The following CLVS1 variants were observed in gnomAD, a reference collection of about 807,000 sequenced individuals.
The protein encoded by CLVS1 is clavesin 1, also known as clavesin-1.
In CLVS1, 10 loss-of-function variants were observed where a neutral mutation model predicts 33.1. That is an observed-to-expected ratio of 0.30 (90% CI 0.19 to 0.51). The LOEUF (loss-of-function observed/expected upper bound fraction) is 0.51. Ranked by LOEUF, CLVS1 falls within the 20% of genes least tolerant of loss-of-function variation. The pLI is 0.97. For synonymous variants in CLVS1, 163 were observed against 166.1 expected (o/e 0.98, Z 0.14); for missense variants, 343 against 433.4 (o/e 0.79, Z 1.85).
At chr8:61,341,491 G>T (rs1683102552) in intron 2 of CLVS1, among the ~76,000 whole-genome samples, 1 of 152,172 alleles carries the variant, frequency 6.6e-6, no homozygotes, top group Non-Finnish European at 1.5e-5. Context: ...CAGCTTAAGG[G>T]CCAGGAACTC....
At chr8:61,382,683 C>T (rs1238399324) in intron 3 of CLVS1, among the ~76,000 whole-genome samples, 1 of 152,184 alleles carries the variant, frequency 6.6e-6, no homozygotes, top group African/African-American at 2.4e-5. Context: ...ACAGTGCTGA[C>T]CCCACTCCCA....
intron 2 of CLVS1, among the ~76,000 whole-genome samples, chr8:61,350,551 A>C (rs1459908291): frequency 2.0e-5 from 3 of 152,196 alleles, no homozygotes; most frequent in Non-Finnish European, 1.5e-5. Flanking sequence ...AAGATAAGGT[A>C]ATGCTGTAAT....
intron 2 of CLVS1, among the ~76,000 whole-genome samples, chr8:61,337,643 T>G (rs781766664): frequency 6.6e-6 from 1 of 152,186 alleles, no homozygotes; most frequent in Non-Finnish European, 1.5e-5. Flanking sequence ...GTGGGCTGTT[T>G]ATGTGTCTTC....
chr8:61,239,696 C>A (rs543944386), intron 2 of CLVS1, among the ~76,000 whole-genome samples: 2 of 152,234 alleles, frequency 1.3e-5, no homozygotes, highest in South Asian at 4.1e-4. Context: ...AAGATTACAC[C>A]ACTGCACTCC....
intron 2 of CLVS1, among the ~76,000 whole-genome samples, chr8:61,191,739 A>C (rs1430711674): frequency 2.0e-5 from 3 of 152,204 alleles, no homozygotes; most frequent in Admixed American, 1.3e-4. Flanking sequence ...ATAACAGACA[A>C]ACAGAGAGCC....
At chr8:61,207,366 C>T (rs538802605) in intron 2 of CLVS1, among the ~76,000 whole-genome samples, 3 of 144,514 alleles carry the variant, frequency 2.1e-5, no homozygotes, top group Admixed American at 6.9e-5. Context: ...GGATTTGCAG[C>T]GGTGCATGGG....
chr8:61,059,501 C>T (rs13252102), intron 1 of CLVS1, among the ~76,000 whole-genome samples: 2,425 of 22,158 alleles, frequency 0.11, 39 homozygotes, highest in African/African-American at 0.15. Context: ...TATATATATA[C>T]ACATATCTTG....
chr8:61,018,723 G>A, the CLVS1 span, among the ~76,000 whole-genome samples: 4 of 152,150 alleles, frequency 2.6e-5, no homozygotes, highest in African/African-American at 4.8e-5. Context: ...GAGATCAGGC[G>A]GCATCTCAGC....
intron 1 of CLVS1, among the ~76,000 whole-genome samples, chr8:61,066,907 G>T (rs1360053452): frequency 1.3e-5 from 2 of 152,090 alleles, no homozygotes; most frequent in African/African-American, 4.8e-5. Context: ...AGCCAGGCTG[G>T]TGCCACACAC....
At chr8:61,227,986 T>C (rs1039570820) in intron 2 of CLVS1, among the ~76,000 whole-genome samples, 4 of 152,206 alleles carry the variant, frequency 2.6e-5, no homozygotes, top group Non-Finnish European at 5.9e-5. Flanking sequence ...TAGAATACAA[T>C]ACCGGAAGTG....
chr8:60,982,387 A>G, the CLVS1 span, among the ~76,000 whole-genome samples: 1 of 152,234 alleles, frequency 6.6e-6, no homozygotes, highest in African/African-American at 2.4e-5. Context: ...CTGAAGCACA[A>G]ATAGAAAATG....
At chr8:60,965,085 G>A in the CLVS1 span, among the ~76,000 whole-genome samples, 1 of 152,158 alleles carries the variant, frequency 6.6e-6, no homozygotes, top group Non-Finnish European at 1.5e-5. Context: ...GATGCTCTGT[G>A]TAAAACAATG....
At chr8:61,289,753 T>C (rs1382136743) in intron 1 of CLVS1, among the ~76,000 whole-genome samples, 1 of 152,168 alleles carries the variant, frequency 6.6e-6, no homozygotes, top group Non-Finnish European at 1.5e-5. Context: ...ATAAAGACAG[T>C]CACAAATATG....
intron 2 of CLVS1, among the ~76,000 whole-genome samples, chr8:61,303,184 G>A (rs1400440111): frequency 6.6e-6 from 1 of 152,118 alleles, no homozygotes; most frequent in Non-Finnish European, 1.5e-5. Flanking sequence ...CAGTAAATGG[G>A]GACACACACA....
intron 2 of CLVS1, among the ~76,000 whole-genome samples, chr8:61,364,597 T>C (rs1325370382): frequency 6.6e-6 from 1 of 152,226 alleles, no homozygotes; most frequent in African/African-American, 2.4e-5. Flanking sequence ...ATAGAATTTG[T>C]AAAATGAGAA....
At chr8:61,037,657 T>C in the CLVS1 span, among the ~76,000 whole-genome samples, 1,095 of 152,302 alleles carry the variant, frequency 7.2e-3, 23 homozygotes, top group African/African-American at 0.025. Flanking sequence ...AGCAGAACAC[T>C]TGCTTAACAG....
the CLVS1 span, among the ~76,000 whole-genome samples, chr8:61,014,723 A>T: frequency 6.6e-6 from 1 of 152,262 alleles, no homozygotes; most frequent in African/African-American, 2.4e-5. Context: ...CAAAGGTAGG[A>T]TGATGCACAG....
chr8:61,307,787 T>C (rs1405990481), intron 2 of CLVS1, among the ~76,000 whole-genome samples: 1 of 152,156 alleles, frequency 6.6e-6, no homozygotes, highest in African/African-American at 2.4e-5. Flanking sequence ...AACCACCCCT[T>C]GAATGGTGTA....
At chr8:61,092,982 G>A (rs771330694) in intron 1 of CLVS1, among the ~76,000 whole-genome samples, 14 of 152,136 alleles carry the variant, frequency 9.2e-5, no homozygotes, top group Non-Finnish European at 1.8e-4. Flanking sequence ...AGACAACATG[G>A]GGGAGGAAAG....
Sources: gnomAD v4.1 joint callset for allele counts (sites outside exome capture counted in the v4.1 genomes callset) on GRCh38, gnomAD v4.1.1 for gene constraint, MANE v1.5 for transcripts, NCBI Gene and HGNC (gene_info 2026-07-23, HGNC 2026-07-21) for gene names.